The following TTC6 variants were observed in gnomAD, a reference collection of about 807,000 sequenced individuals.
The protein encoded by TTC6 is tetratricopeptide repeat protein 6.
In TTC6, 172 loss-of-function variants were observed where a neutral mutation model predicts 210.4. The observed-to-expected ratio is 0.82, with a 90% CI of 0.72 to 0.93. The LOEUF is 0.93. Among genes scored for constraint, TTC6 ranks in the 40% least tolerant of loss-of-function variants. The probability of loss-of-function intolerance (pLI) is 0.00; values close to 1 mark genes in which losing one functional copy is unlikely to be tolerated. For synonymous variants in TTC6, 804 were observed against 819.6 expected (o/e 0.98, Z 0.32); for missense variants, 2,414 against 2,318.1 (o/e 1.04, Z -0.85).
At chr14:37,629,576 T>G (rs2095665905) in intron 1 of TTC6, among the ~76,000 whole-genome samples, 2 of 152,214 alleles carry the variant, frequency 1.3e-5, no homozygotes, top group African/African-American at 4.8e-5. Context: ...ACTTCTTCAC[T>G]TCCTATTTGA....
At chr14:37,742,284 C>A (rs2138971122) in intron 10 of TTC6, among the ~76,000 whole-genome samples, 1 of 152,306 alleles carries the variant, frequency 6.6e-6, no homozygotes, top group South Asian at 2.1e-4. Context: ...ACCTGTTTTT[C>A]TTGGCTCATC....
chr14:37,732,354 T>G (rs1294147601), intron 7 of TTC6, among the ~76,000 whole-genome samples: 1 of 150,838 alleles, frequency 6.6e-6, no homozygotes, highest in Non-Finnish European at 1.5e-5. Context: ...TGCTAATTTT[T>G]CGTATTTTTT....
At chr14:37,769,555 A>C (rs1317002415) in intron 14 of TTC6, among the ~76,000 whole-genome samples, 2 of 152,166 alleles carry the variant, frequency 1.3e-5, no homozygotes, top group African/African-American at 2.4e-5. Context: ...CGAGGCATTT[A>C]TCCATTTCTT....
chr14:37,689,064 G>T (rs960160961), intron 3 of TTC6, among the ~76,000 whole-genome samples: 6 of 151,962 alleles, frequency 3.9e-5, no homozygotes, highest in Non-Finnish European at 5.9e-5. Flanking sequence ...AGAAATTCAA[G>T]ATAACACAGA....
intron 5 of TTC6, among the ~76,000 whole-genome samples, chr14:37,704,468 C>G (rs563698103): frequency 4.6e-5 from 7 of 151,988 alleles, no homozygotes; most frequent in African/African-American, 1.7e-4. Flanking sequence ...TGAATTTTTT[C>G]TAATCTTTTA....
chr14:37,731,164 TC>T (rs1477644733), intron 7 of TTC6, among the ~76,000 whole-genome samples: 1 of 152,166 alleles, frequency 6.6e-6, no homozygotes, highest in Non-Finnish European at 1.5e-5. Context: ...CATCAGCTGA[TC>T]AATACGTAAC....
chr14:37,813,019 T>A (rs562390981), intron 25 of TTC6, among the ~76,000 whole-genome samples: 1 of 152,340 alleles, frequency 6.6e-6, no homozygotes, highest in African/African-American at 2.4e-5. Context: ...TTTTATTGTC[T>A]TTTTGTAACT....
At chr14:37,727,291 ATTTTTT>A (rs368293440) in intron 7 of TTC6, among the ~76,000 whole-genome samples, 8 of 92,242 alleles carry the variant, frequency 8.7e-5, no homozygotes, top group East Asian at 2.9e-4. Context: ...TATTTTTCTA[ATTTTTT>A]TTTTTTTTTT....
chr14:37,816,649 C>T (rs1349016917), intron 25 of TTC6, among the ~76,000 whole-genome samples: 3 of 152,140 alleles, frequency 2.0e-5, no homozygotes, highest in Admixed American at 2.0e-4. Context: ...CTTTCAGAAG[C>T]CCTTCCTATA....
At chr14:37,663,942 T>C (rs867643290) in intron 1 of TTC6, among the ~76,000 whole-genome samples, 60 of 150,508 alleles carry the variant, frequency 4.0e-4, no homozygotes, top group African/African-American at 1.3e-3. Context: ...CTATAGCTAA[T>C]AAGGGAAGTG....
In TTC6 at chr14:37,661,143, T is replaced by C. The variant is rs146291654; in HGVS notation, c.940-19008T>C. ...TTCTCCCACTCTGTAGGTTGCCTGT[T>C]CACTCTGATGACAGTTTCTTTTGCT... On this transcript the variant is annotated intron_variant, in intron 1 of 30. Transcript: ENST00000553443. 4.5e-3 allele frequency among the ~76,000 whole-genome samples: 690 copies of C among 152,356 alleles called. 5 individuals carry two copies. Among genetic ancestry groups the C allele is most frequent in the African/African-American group, 0.016 (652 of 41,584 alleles).
exon 14 of TTC6, chr14:37,753,192 T>A: frequency 6.5e-7 from 1 of 1,535,410 alleles, no homozygotes; most frequent in Non-Finnish European, 8.7e-7. Context: ...CATAGAGGAT[T>A]TTACAGCCTT....
At chr14:37,819,735 C>CAA (rs2096151103) in intron 26 of TTC6, among the ~76,000 whole-genome samples, 1 of 152,146 alleles carries the variant, frequency 6.6e-6, no homozygotes, top group East Asian at 1.9e-4. Flanking sequence ...TTTAACTCTT[C>CAA]AAGCCAGATT....
chr14:37,695,762 A>G (rs1242195984), intron 3 of TTC6, among the ~76,000 whole-genome samples: 1 of 152,210 alleles, frequency 6.6e-6, no homozygotes, highest in African/African-American at 2.4e-5. Context: ...ATTTTCCATG[A>G]TGTAATTATT....
exon 13 of TTC6, chr14:37,751,160 T>C: frequency 6.5e-7 from 1 of 1,532,580 alleles, no homozygotes. Context: ...TGCTGATATC[T>C]ATTTCAGGAG....
chr14:37,827,267 A>C (rs146805659), exon 29 of TTC6: 9 of 1,613,328 alleles, frequency 5.6e-6, no homozygotes, highest in Non-Finnish European at 6.8e-6. Flanking sequence ...AACAGAATGC[A>C]ATGAAAGACT....
chr14:37,690,643 A>G (rs1311688811), intron 3 of TTC6, among the ~76,000 whole-genome samples: 1 of 152,168 alleles, frequency 6.6e-6, no homozygotes, highest in Non-Finnish European at 1.5e-5. Flanking sequence ...GAAGGTCACT[A>G]AACAATCATA....
At chr14:37,612,389 A>G (rs776978018) in intron 2 of TTC6, among the ~76,000 whole-genome samples, 4 of 152,180 alleles carry the variant, frequency 2.6e-5, no homozygotes, top group African/African-American at 4.8e-5. Context: ...CTTTGCCTTG[A>G]TTACTGTAGC....
chr14:37,745,827 T>G (rs763796960), intron 10 of TTC6, among the ~76,000 whole-genome samples: 2 of 152,196 alleles, frequency 1.3e-5, no homozygotes, highest in Non-Finnish European at 2.9e-5. Context: ...TAAGCCACAT[T>G]GCAGGATTCT....
Sources: allele counts gnomAD v4.1 joint callset (sites outside exome capture counted in the v4.1 genomes callset), GRCh38; gene constraint gnomAD v4.1.1; transcripts MANE v1.5; gene names NCBI Gene and HGNC (gene_info 2026-07-23, HGNC 2026-07-21).